NLGN1: variants seen among roughly 807,000 people sequenced by gnomAD.
NLGN1 encodes the protein neuroligin-1.
In NLGN1, 12 loss-of-function variants were observed where a neutral mutation model predicts 65.5. The observed-to-expected ratio is 0.18, with a 90% CI of 0.12 to 0.30. NLGN1 has a LOEUF of 0.30. Ranked by LOEUF, NLGN1 falls within the 10% of genes least tolerant of loss-of-function variation. The pLI, the probability that NLGN1 is intolerant of heterozygous loss-of-function variation, is 1.00. For synonymous variants in NLGN1, 350 were observed against 359.5 expected (o/e 0.97, Z 0.30); for missense variants, 750 against 1,007.1 (o/e 0.74, Z 3.46).
intron 4 of NLGN1, among the ~76,000 whole-genome samples, chr3:174,184,515 T>G (rs1289108711): frequency 6.6e-6 from 1 of 152,128 alleles, no homozygotes; most frequent in East Asian, 1.9e-4. Flanking sequence ...AATCCCCAGA[T>G]AAAAAGTGAG....
intron 4 of NLGN1, among the ~76,000 whole-genome samples, chr3:173,989,090 C>T (rs1390517425): frequency 6.6e-6 from 1 of 152,156 alleles, no homozygotes; most frequent in East Asian, 1.9e-4. Context: ...CATTCTGTCA[C>T]ATCTCTCAAG....
chr3:173,779,523 A>G (rs182230391), intron 3 of NLGN1, among the ~76,000 whole-genome samples: 1,928 of 152,140 alleles, frequency 0.013, 26 homozygotes, highest in Non-Finnish European at 0.018. Context: ...GTCCTGTAAT[A>G]CATCAAATCC....
intron 1 of NLGN1, among the ~76,000 whole-genome samples, chr3:173,431,558 G>A (rs1012122006): frequency 1.3e-5 from 2 of 151,970 alleles, no homozygotes; most frequent in Non-Finnish European, 2.9e-5. Flanking sequence ...TATATAATAT[G>A]TACTTTAATT....
intron 4 of NLGN1, among the ~76,000 whole-genome samples, chr3:174,266,156 G>A (rs691882): frequency 6.6e-6 from 1 of 151,522 alleles, no homozygotes; most frequent in Non-Finnish European, 1.5e-5. Context: ...TATTTTGTGA[G>A]CAAGGTAATG....
At chr3:173,514,130 T>C (rs1331500317) in intron 2 of NLGN1, among the ~76,000 whole-genome samples, 1 of 152,216 alleles carries the variant, frequency 6.6e-6, no homozygotes, top group East Asian at 1.9e-4. Context: ...GTCTGATGTA[T>C]TCTGAATGAA....
chr3:173,917,082 G>A (rs1740891612), intron 4 of NLGN1, among the ~76,000 whole-genome samples: 1 of 152,144 alleles, frequency 6.6e-6, no homozygotes, highest in South Asian at 2.1e-4. Context: ...ACTACTTCTA[G>A]CAAGAAAATC....
Position 174,280,777 on chromosome 3 carries a change from C to T in NLGN1, c.1946C>T (p.Ala649Val), listed in dbSNP as rs917753969. Residue 649 changes from alanine to valine, a missense_variant, in exon 7 of 7, where the codon GCC (alanine) becomes GTC (valine). Physicochemically the swap from Ala to Val is moderately conservative, Grantham distance 64 (BLOSUM62 0). Coordinates refer to ENST00000457714, the Ensembl canonical transcript of NLGN1. The surrounding 1 kb of genome is among the most constrained non-coding windows in gnomAD (Gnocchi z 4.9). The stretch of plus-strand genomic sequence containing the variant: ...AAAAATTCTGTACCTGTCACGTCAG[C>T]CTTTCCCACTGCCAAGCAGGATGAT... 3.1e-6 allele frequency: 5 copies of T among 1,613,252 alleles called. No homozygotes were observed. Among genetic ancestry groups the T allele is most frequent in the Non-Finnish European group, 4.2e-6 (5 of 1,179,552 alleles).
chr3:173,595,943 A>G (rs1430513785), intron 2 of NLGN1, among the ~76,000 whole-genome samples: 2 of 152,218 alleles, frequency 1.3e-5, no homozygotes, highest in Non-Finnish European at 2.9e-5. Context: ...ACACGTGGGA[A>G]TTATGGGAGT....
At chr3:174,071,173 G>A (rs1267684216) in intron 4 of NLGN1, among the ~76,000 whole-genome samples, 1 of 152,178 alleles carries the variant, frequency 6.6e-6, no homozygotes, top group Admixed American at 6.5e-5. Flanking sequence ...GAAAAACAGG[G>A]AAGTGAGGCA....
chr3:173,894,459 T>C (rs1735974487), intron 4 of NLGN1, among the ~76,000 whole-genome samples: 1 of 152,174 alleles, frequency 6.6e-6, no homozygotes, highest in Non-Finnish European at 1.5e-5. Context: ...TTCTCCTGTA[T>C]GATTTACATA....
Position 174,047,805 on chromosome 3 carries a change from TAA to T in NLGN1, c.647-227499_647-227498del, listed in dbSNP as rs373900247. 5.3e-3 allele frequency among the ~76,000 whole-genome samples: 765 copies of T among 145,582 alleles called. 10 individuals carry two copies. Among genetic ancestry groups the T allele is most frequent in the African/African-American group, 0.018 (718 of 40,364 alleles). On this transcript the variant is annotated intron_variant, in intron 4 of 6. Transcript: ENST00000457714. ...TATTCTCTCTAAATATTTGAGATAG[TAA>T]AAAAAAAAAAGATATAATTTGCAAG... is the stretch of plus-strand genomic sequence containing the variant.
At chr3:174,071,086 AAGAG>A (rs1739748958) in intron 4 of NLGN1, among the ~76,000 whole-genome samples, 1 of 152,144 alleles carries the variant, frequency 6.6e-6, no homozygotes, top group South Asian at 2.1e-4. Flanking sequence ...AGTAATGGGC[AAGAG>A]TAAGATACAA....
At chr3:173,418,423 G>A (rs966755239) in intron 1 of NLGN1, among the ~76,000 whole-genome samples, 1 of 151,962 alleles carries the variant, frequency 6.6e-6, no homozygotes, top group East Asian at 1.9e-4. Context: ...TTATTTCAAT[G>A]TATATTCCTA....
chr3:173,824,273 A>C (rs765531260), intron 4 of NLGN1, among the ~76,000 whole-genome samples: 9 of 152,124 alleles, frequency 5.9e-5, no homozygotes, highest in Non-Finnish European at 1.0e-4. Flanking sequence ...AAAGGAAAAA[A>C]ATGTCAGCTT....
chr3:174,034,269 A>T (rs1038743293), intron 4 of NLGN1, among the ~76,000 whole-genome samples: 1 of 152,046 alleles, frequency 6.6e-6, no homozygotes, highest in Non-Finnish European at 1.5e-5. Context: ...ACAAACAAAA[A>T]CTGAATGAAT....
At chr3:174,207,264 T>C (rs958594786) in intron 4 of NLGN1, among the ~76,000 whole-genome samples, 1 of 150,608 alleles carries the variant, frequency 6.6e-6, no homozygotes, top group African/African-American at 2.4e-5. Context: ...AAAGATAACA[T>C]GCTTGGCTGG....
chr3:173,942,682 C>T (rs1021011748), intron 4 of NLGN1, among the ~76,000 whole-genome samples: 3 of 151,942 alleles, frequency 2.0e-5, no homozygotes, highest in African/African-American at 7.3e-5. Context: ...TTTCTGATGC[C>T]TATGAGAAAA....
intron 4 of NLGN1, among the ~76,000 whole-genome samples, chr3:173,866,818 CA>C (rs1324900875): frequency 6.6e-6 from 1 of 152,124 alleles, no homozygotes; most frequent in East Asian, 1.9e-4. Context: ...AGTTATACAG[CA>C]CCCTTTTGGG....
intron 4 of NLGN1, among the ~76,000 whole-genome samples, chr3:174,173,375 TGTCATGTTCTA>T (rs1330437686): frequency 6.6e-6 from 1 of 152,080 alleles, no homozygotes; most frequent in Non-Finnish European, 1.5e-5. Context: ...CAGTCATCCT[TGTCATGTTCTA>T]GATCTTAGAG....
Sources: gnomAD v4.1 joint callset for allele counts (sites outside exome capture counted in the v4.1 genomes callset) on GRCh38, gnomAD v4.1.1 for gene constraint, Gnocchi (gnomAD v3.1) non-coding constraint, MANE v1.5 for transcripts, NCBI Gene and HGNC (gene_info 2026-07-23, HGNC 2026-07-21) for gene names.